Variants in RUNX1T1 observed in about 807,000 individuals in gnomAD.
RUNX1T1 encodes the protein protein CBFA2T1.
A neutral mutation model predicts 62.8 loss-of-function variants in RUNX1T1; 4 were observed. That is an observed-to-expected ratio of 0.06 (90% CI 0.03 to 0.15). The LOEUF (loss-of-function observed/expected upper bound fraction) is 0.15, where lower values mean the gene tolerates loss of function less well. Among genes scored for constraint, RUNX1T1 ranks in the 10% least tolerant of loss-of-function variants. The probability of loss-of-function intolerance (pLI) is 1.00; values close to 1 mark genes in which losing one functional copy is unlikely to be tolerated. For missense variants in RUNX1T1, 508 were observed against 754.3 expected (o/e 0.67, Z 3.82); for synonymous variants, 291 against 286.0 (o/e 1.02, Z -0.18).
At chr8:91,986,772 G>T in intron 7 of RUNX1T1, 115 bp downstream of exon 8, 3 of 706,868 alleles carry the variant, frequency 4.2e-6, no homozygotes, top group South Asian at 3.3e-5. Flanking sequence ...TTTTTTCAAG[G>T]ATAGCAGGAA....
Position 92,075,956 on chromosome 8 carries a change from G to A in RUNX1T1, c.88+9C>T, listed in dbSNP as rs747308192. 6.8e-6 allele frequency: 11 copies of A among 1,606,546 alleles called. No homozygotes were observed. The highest frequency in any genetic ancestry group is 1.1e-5 in the South Asian group (1 of 89,852). On this transcript the variant is annotated intron_variant, in intron 2 of 11. Transcript: ENST00000265814. ...AATTGCAAAATCAAAATATTTGTCT[G>A]TTCCTTACCTTGACAATATTCAAAG...
intron 6 of RUNX1T1, among the ~76,000 whole-genome samples, chr8:91,988,911 TA>T (rs1164325952): frequency 2.0e-5 from 3 of 152,258 alleles, no homozygotes; most frequent in Admixed American, 2.0e-4. Context: ...TCTTTAAAAA[TA>T]AAAAATAAAT....
chr8:92,064,049 G>C (rs1832490228), upstream of RUNX1T1, among the ~76,000 whole-genome samples: 1 of 152,016 alleles, frequency 6.6e-6, no homozygotes, highest in African/African-American at 2.4e-5. Flanking sequence ...CACACTACTT[G>C]CTATCTCCAA....
chr8:91,990,008 A>T (rs1817333366), intron 6 of RUNX1T1, among the ~76,000 whole-genome samples: 1 of 152,122 alleles, frequency 6.6e-6, no homozygotes, highest in African/African-American at 2.4e-5. Flanking sequence ...CCAAAGCCTC[A>T]ATCACCCCTC....
At chr8:92,028,871 AAAAC>A (rs1350475162) in intron 1 of RUNX1T1, among the ~76,000 whole-genome samples, 1 of 152,224 alleles carries the variant, frequency 6.6e-6, no homozygotes, top group Non-Finnish European at 1.5e-5. Context: ...AAAGTAAAAA[AAAAC>A]AAACAAAAAA....
intron 1 of RUNX1T1, among the ~76,000 whole-genome samples, chr8:92,084,738 G>T (rs1835832050): frequency 6.6e-6 from 1 of 152,154 alleles, no homozygotes; most frequent in Admixed American, 6.5e-5. Flanking sequence ...AGTGAGCCAA[G>T]CTTGGCTTCC....
chr8:91,982,885 T>TC (rs1460894482), intron 8 of RUNX1T1, among the ~76,000 whole-genome samples: 1 of 151,738 alleles, frequency 6.6e-6, no homozygotes, highest in African/African-American at 2.4e-5. Flanking sequence ...CAGAGGTTAT[T>TC]CAAAAAAGAG....
At chr8:91,960,466 T>A in exon 11 of RUNX1T1, 2 of 1,614,216 alleles carry the variant, frequency 1.2e-6, no homozygotes, top group Non-Finnish European at 1.7e-6. Flanking sequence ...TATCGGGCTG[T>A]GTTACAGCCA....
chr8:92,041,257 C>A (rs1828399434), intron 1 of RUNX1T1, among the ~76,000 whole-genome samples: 1 of 152,178 alleles, frequency 6.6e-6, no homozygotes, highest in Non-Finnish European at 1.5e-5. Flanking sequence ...ACGGCCCATG[C>A]TCCGGGTTTA....
chr8:91,979,221 T>C (rs576353374), intron 8 of RUNX1T1, among the ~76,000 whole-genome samples: 1 of 152,298 alleles, frequency 6.6e-6, no homozygotes, highest in Admixed American at 6.5e-5. Flanking sequence ...CCTCTTCTGA[T>C]TAAGCAGCAG....
chr8:92,004,749 A>T (rs1019466624), intron 5 of RUNX1T1: 1 of 171,640 alleles, frequency 5.8e-6, no homozygotes, highest in African/African-American at 2.4e-5. Context: ...AGCCAATTTC[A>T]GAATATTGAA....
upstream of RUNX1T1, chr8:92,103,153 C>G (rs1409635454): frequency 2.7e-6 from 1 of 372,594 alleles, no homozygotes; most frequent in Non-Finnish European, 4.8e-6. Context: ...ACTTGCGGAG[C>G]TCTGCTCCCC....
At chr8:92,103,076 G>A (rs1438181331), upstream of RUNX1T1, 4 of 469,938 alleles carry the variant, frequency 8.5e-6, no homozygotes, top group Non-Finnish European at 1.4e-5. Context: ...TGCGCAGAGA[G>A]AGCTGCCGTG....
intron 1 of RUNX1T1, among the ~76,000 whole-genome samples, chr8:92,043,530 AAAT>A (rs1236706450): frequency 3.3e-5 from 5 of 152,000 alleles, no homozygotes; most frequent in South Asian, 2.1e-4. Context: ...AAAATAAATG[AAAT>A]AATAAAAAGT....
intron 2 of RUNX1T1, among the ~76,000 whole-genome samples, chr8:92,072,107 G>A (rs897344772): frequency 1.3e-5 from 2 of 152,092 alleles, no homozygotes; most frequent in Admixed American, 1.3e-4. Flanking sequence ...TAATCAAGAT[G>A]GATCAAAGAA....
chr8:92,040,624 C>T (rs943650185), intron 1 of RUNX1T1, among the ~76,000 whole-genome samples: 31 of 152,228 alleles, frequency 2.0e-4, no homozygotes, highest in African/African-American at 7.5e-4. Flanking sequence ...AGGTCTGGCT[C>T]TACTGTGCTT....
intron 8 of RUNX1T1, chr8:91,976,186 A>G (rs769604406): frequency 1.2e-5 from 6 of 517,498 alleles, no homozygotes; most frequent in Non-Finnish European, 2.1e-5. Context: ...CATTGGTCTA[A>G]ATGCCATGCA....
chr8:91,988,554 C>T (rs1477696107), intron 6 of RUNX1T1, among the ~76,000 whole-genome samples: 2 of 152,048 alleles, frequency 1.3e-5, no homozygotes, highest in African/African-American at 4.8e-5. Context: ...CCATACAAAA[C>T]AACCAGAAAG....
At chr8:91,994,050 A>G (rs79188652) in intron 5 of RUNX1T1, among the ~76,000 whole-genome samples, 3,526 of 152,216 alleles carry the variant, frequency 0.023, 131 homozygotes, top group African/African-American at 0.08. Context: ...CTTAATGTTG[A>G]AGAACATGCC....
Sources: gnomAD v4.1 joint callset for allele counts (sites outside exome capture counted in the v4.1 genomes callset) on GRCh38, gnomAD v4.1.1 for gene constraint, MANE v1.5 for transcripts, NCBI Gene and HGNC (gene_info 2026-07-23, HGNC 2026-07-21) for gene names.